KCNIP4: variants seen among roughly 807,000 people sequenced by gnomAD.
KCNIP4 encodes Kv channel-interacting protein 4.
KCNIP4 carries 12 observed loss-of-function variants against 34.0 expected under a neutral mutation model. That is an observed-to-expected ratio of 0.35 (90% CI 0.23 to 0.57). The LOEUF is 0.57. KCNIP4 is among the 20% of genes least tolerant of loss of function. The pLI is 0.83. For synonymous variants in KCNIP4, 124 were observed against 102.2 expected, an observed-to-expected ratio of 1.21 and a Z score of -1.29; for missense variants, 238 against 311.7, an observed-to-expected ratio of 0.76 and a Z score of 1.78.
chr4:21,364,773 A>C (rs186891512), intron 1 of KCNIP4, among the ~76,000 whole-genome samples: 95 of 152,270 alleles, frequency 6.2e-4, no homozygotes, highest in Admixed American at 1.9e-3. Context: ...AGATAACATG[A>C]GACAAGAACA....
intron 1 of KCNIP4, among the ~76,000 whole-genome samples, chr4:21,682,657 G>A (rs1237910130): frequency 2.6e-5 from 4 of 152,114 alleles, no homozygotes; most frequent in African/African-American, 9.7e-5. Context: ...ATTTAAAAGT[G>A]AGAGATGTGT....
chr4:21,547,121 T>C (rs1353491209), intron 1 of KCNIP4, among the ~76,000 whole-genome samples: 1 of 152,136 alleles, frequency 6.6e-6, no homozygotes, highest in Admixed American at 6.6e-5. Flanking sequence ...CAAATGAATG[T>C]GGAGTAGAAA....
intron 1 of KCNIP4, among the ~76,000 whole-genome samples, chr4:20,958,945 C>T (rs982122738): frequency 2.0e-5 from 3 of 152,146 alleles, no homozygotes; most frequent in Admixed American, 6.5e-5. Context: ...GGGGATTAAC[C>T]TTTACAGCTG....
At chr4:21,348,634 T>A (rs571741420) in intron 1 of KCNIP4, among the ~76,000 whole-genome samples, 1 of 152,174 alleles carries the variant, frequency 6.6e-6, no homozygotes, top group Non-Finnish European at 1.5e-5. Context: ...AGCAAAAATT[T>A]TATGGAGAAG....
intron 1 of KCNIP4, among the ~76,000 whole-genome samples, chr4:21,735,626 T>C (rs1715937881): frequency 6.6e-6 from 1 of 152,138 alleles, no homozygotes; most frequent in South Asian, 2.1e-4. Context: ...TGTTTTTGTT[T>C]TTGTTTTCTA....
chr4:21,678,604 C>T (rs1359260067), intron 1 of KCNIP4, among the ~76,000 whole-genome samples: 1 of 152,176 alleles, frequency 6.6e-6, no homozygotes, highest in Non-Finnish European at 1.5e-5. Flanking sequence ...TTTCAGCAAA[C>T]TGACATGCTT....
intron 1 of KCNIP4, among the ~76,000 whole-genome samples, chr4:21,505,453 T>C (rs1268047044): frequency 6.6e-6 from 1 of 152,232 alleles, no homozygotes; most frequent in Non-Finnish European, 1.5e-5. Flanking sequence ...TGAACTATTC[T>C]AGTTTTCTGC....
intron 1 of KCNIP4, among the ~76,000 whole-genome samples, chr4:21,657,850 T>C (rs1748096881): frequency 6.6e-6 from 1 of 152,066 alleles, no homozygotes; most frequent in African/African-American, 2.4e-5. Context: ...AATTTTTTTT[T>C]TTTTTTTTGA....
At chr4:21,377,966 T>C (rs1464894663) in intron 1 of KCNIP4, among the ~76,000 whole-genome samples, 3 of 152,170 alleles carry the variant, frequency 2.0e-5, no homozygotes, top group Admixed American at 6.6e-5. Context: ...GTAGTGGTGG[T>C]GGTGGCGGGT....
At chr4:21,928,007 G>C (rs904461467) in intron 1 of KCNIP4, among the ~76,000 whole-genome samples, 2 of 151,824 alleles carry the variant, frequency 1.3e-5, no homozygotes, top group Non-Finnish European at 2.9e-5. Flanking sequence ...GTCTACATAG[G>C]TTATAAGTAT....
intron 1 of KCNIP4, among the ~76,000 whole-genome samples, chr4:21,373,795 T>A (rs1164371290): frequency 6.8e-6 from 1 of 147,088 alleles, no homozygotes; most frequent in Non-Finnish European, 1.5e-5. Flanking sequence ...AACCTCTGCC[T>A]CCCAGGTTCA....
intron 1 of KCNIP4, among the ~76,000 whole-genome samples, chr4:21,643,021 G>A (rs555281522): frequency 1.3e-5 from 2 of 152,252 alleles, no homozygotes; most frequent in South Asian, 4.1e-4. Flanking sequence ...GTAACCTATT[G>A]AGGTACTTGC....
At chr4:21,862,828 G>A (rs1342128780) in intron 1 of KCNIP4, among the ~76,000 whole-genome samples, 1 of 152,114 alleles carries the variant, frequency 6.6e-6, no homozygotes, top group African/African-American at 2.4e-5. Context: ...GGGCGTGGTG[G>A]CAGGCACCTG....
chr4:21,329,345 A>G (rs914610338), intron 1 of KCNIP4, among the ~76,000 whole-genome samples: 12 of 152,236 alleles, frequency 7.9e-5, no homozygotes, highest in African/African-American at 2.7e-4. Context: ...GGCAGGCAGG[A>G]TATGAATGCA....
At chr4:21,695,773 G>A (rs1278465448) in intron 1 of KCNIP4, among the ~76,000 whole-genome samples, 1 of 152,068 alleles carries the variant, frequency 6.6e-6, no homozygotes, top group Non-Finnish European at 1.5e-5. Context: ...AGAGAGGAAA[G>A]GACAGACAAC....
intron 1 of KCNIP4, among the ~76,000 whole-genome samples, chr4:21,397,815 T>C (rs1351456627): frequency 1.3e-5 from 2 of 152,188 alleles, no homozygotes; most frequent in Non-Finnish European, 2.9e-5. Flanking sequence ...AATAGTTCGC[T>C]GCCCTTGAGT....
chr4:21,036,389 T>C (rs28397103), intron 1 of KCNIP4, among the ~76,000 whole-genome samples: 65,794 of 152,024 alleles, frequency 0.43, 15,876 homozygotes, highest in African/African-American at 0.67. Flanking sequence ...AGATCCAATT[T>C]GGGGAATAAA....
intron 1 of KCNIP4, among the ~76,000 whole-genome samples, chr4:21,659,283 G>A (rs1748236514): frequency 6.6e-6 from 1 of 151,950 alleles, no homozygotes; most frequent in Non-Finnish European, 1.5e-5. Context: ...CCTAAATCTT[G>A]GGTTAATTTG....
intron 1 of KCNIP4, among the ~76,000 whole-genome samples, chr4:21,237,470 C>T (rs1346581189): frequency 6.6e-6 from 1 of 151,966 alleles, no homozygotes; most frequent in African/African-American, 2.4e-5. Flanking sequence ...CAAGCCCTCA[C>T]ACATTAAAAG....
Sources: gnomAD v4.1 joint callset for allele counts (sites outside exome capture counted in the v4.1 genomes callset) on GRCh38, gnomAD v4.1.1 for gene constraint, MANE v1.5 for transcripts, NCBI Gene and HGNC (gene_info 2026-07-23, HGNC 2026-07-21) for gene names.